The following CFDP1 variants were observed in gnomAD, a reference collection of about 807,000 sequenced individuals.
The protein encoded by CFDP1 is heterochromatin-stabilizing protein CFDP1.
Under a neutral mutation model 40.1 loss-of-function variants are expected in CFDP1, and 31 were observed. That is an observed-to-expected ratio of 0.77 (90% CI 0.58 to 1.04). CFDP1 has a LOEUF of 1.04. Among genes scored for constraint, CFDP1 ranks in the 50% least tolerant of loss-of-function variants. The probability of loss-of-function intolerance (pLI) is 0.00; values close to 1 mark genes in which losing one functional copy is unlikely to be tolerated. For missense variants in CFDP1, 423 were observed against 343.4 expected, an observed-to-expected ratio of 1.23 and a Z score of -1.83; for synonymous variants, 167 against 120.0, an observed-to-expected ratio of 1.39 and a Z score of -2.56.
In CFDP1 at chr16:75,293,921, G is replaced by T. The variant is rs765935980; in HGVS notation, c.*31C>A. On this transcript the variant is annotated 3_prime_UTR_variant, in exon 7 of 7. Transcript: ENST00000283882. ...CACAAAAAGCTCACATTGTAAACAG[G>T]ATTAAGCTGCTCTTGATTTAGCCCG... 2.6e-6 allele frequency: 4 copies of T among 1,560,874 alleles called. No individual in the cohort carries two copies. Among genetic ancestry groups the T allele is most frequent in the Admixed American group, 1.7e-5 (1 of 59,936 alleles).
At chr16:75,389,878 A>T (rs533417635) in intron 5 of CFDP1, among the ~76,000 whole-genome samples, 1 of 152,316 alleles carries the variant, frequency 6.6e-6, no homozygotes, top group Admixed American at 6.5e-5. Flanking sequence ...CCCAAGCACA[A>T]TTGTAACTGT....
At chr16:75,345,971 C>G (rs2078560156) in intron 5 of CFDP1, among the ~76,000 whole-genome samples, 1 of 152,118 alleles carries the variant, frequency 6.6e-6, no homozygotes, top group Non-Finnish European at 1.5e-5. Flanking sequence ...TCTGAGGCTT[C>G]CAGGTCTCTA....
At chr16:75,306,940 G>T (rs974314367) in intron 5 of CFDP1, among the ~76,000 whole-genome samples, 11 of 151,710 alleles carry the variant, frequency 7.3e-5, no homozygotes, top group African/African-American at 2.7e-4. Context: ...ATTTTACCAG[G>T]AACGGAGCAT....
chr16:75,352,657 T>G (rs1162715068), intron 5 of CFDP1, among the ~76,000 whole-genome samples: 2 of 152,240 alleles, frequency 1.3e-5, no homozygotes, highest in African/African-American at 4.8e-5. Flanking sequence ...CACAATTTTT[T>G]GCCTTTTATC....
At chr16:75,395,000 A>C in intron 5 of CFDP1, 90 bp downstream of exon 5, 1 of 1,460,284 alleles carries the variant, frequency 6.8e-7, no homozygotes, top group East Asian at 2.3e-5. Flanking sequence ...CTCTCAGGCA[A>C]GGAGTCTGAT....
chr16:75,431,911 C>CTT lies in CFDP1; in HGVS notation c.64+1376_64+1377dup, dbSNP rs71380741. The stretch of plus-strand genomic sequence containing the variant: ...GGATGAGGGTGATGGGACTGGCTAA[C>CTT]TTTTTTTTTTTTTTTTTTGAGACGG... On this transcript the variant is annotated intron_variant, in intron 1 of 6. Coordinates refer to ENST00000283882, the MANE Select transcript of CFDP1 (RefSeq NM_006324.3). Among the ~76,000 whole-genome samples, 565 of 134,466 alleles carry CTT rather than the reference C, an allele frequency of 4.2e-3. 7 individuals are homozygous for CTT. The highest frequency in any genetic ancestry group is 0.026 in the South Asian group (110 of 4,200). The allele number at this position is 134,466 out of a possible 152,430, so 88.2% of individuals were successfully genotyped here. A position where few individuals can be genotyped will look rare whatever the true frequency, so the allele number is the denominator to read the frequency against.
intron 6 of CFDP1, among the ~76,000 whole-genome samples, chr16:75,301,026 C>T (rs890801020): frequency 3.3e-5 from 5 of 152,116 alleles, no homozygotes; most frequent in Non-Finnish European, 7.3e-5. Context: ...CAGGAAGAAA[C>T]TTAAAGGAAT....
intron 6 of CFDP1, among the ~76,000 whole-genome samples, chr16:75,299,487 C>T (rs531436604): frequency 7.3e-5 from 11 of 150,692 alleles, no homozygotes; most frequent in South Asian, 2.1e-4. Flanking sequence ...CCCAGCTACT[C>T]GGGAGGCTGA....
rs2078995303 is a variant in CFDP1, at chr16:75,396,433, G to A, written c.531-1224C>T. The stretch of plus-strand genomic sequence containing the variant: ...AGGCGCCTGTAATCACAGCTACTAG[G>A]GAGGCTGAGGCAGGAGAATTGCCTG... On this transcript the variant is annotated intron_variant, in intron 4 of 6. Coordinates refer to ENST00000283882, the MANE Select transcript of CFDP1 (RefSeq NM_006324.3). 1.9e-5 allele frequency among the ~76,000 whole-genome samples: 2 copies of A among 103,146 alleles called. 1 individual carries two copies. Among genetic ancestry groups the A allele is most frequent in the Non-Finnish European group, 4.6e-5 (2 of 43,140 alleles). The allele number at this position is 103,146 out of a possible 152,430, so 67.7% of individuals were successfully genotyped here.
At chr16:75,388,098 T>C (rs929551848) in intron 5 of CFDP1, among the ~76,000 whole-genome samples, 1 of 152,210 alleles carries the variant, frequency 6.6e-6, no homozygotes, top group African/African-American at 2.4e-5. Context: ...TCAAATAGAT[T>C]TGGGCTGGAA....
intron 5 of CFDP1, among the ~76,000 whole-genome samples, chr16:75,369,139 T>G (rs941455891): frequency 3.3e-5 from 5 of 152,134 alleles, no homozygotes; most frequent in Non-Finnish European, 5.9e-5. Flanking sequence ...TGCTCAAAAG[T>G]CCAAAGTAAA....
chr16:75,423,668 C>A (rs1432892465), intron 1 of CFDP1, among the ~76,000 whole-genome samples: 1 of 152,034 alleles, frequency 6.6e-6, no homozygotes, highest in African/African-American at 2.4e-5. Context: ...GCACCCGCCA[C>A]CTCGCCCGGC....
chr16:75,339,369 T>G (rs2078510909), intron 5 of CFDP1, among the ~76,000 whole-genome samples: 1 of 152,178 alleles, frequency 6.6e-6, no homozygotes, highest in Admixed American at 6.5e-5. Flanking sequence ...ATTTCATGAG[T>G]GCAGCATTCT....
At position 75,404,597 on chromosome 16, in the gene CFDP1, C is replaced by T. The variant is rs111830992; in HGVS notation, c.530+7228G>A. ...TGAGTCTCTTGATGGATGAGAAGCA[C>T]CATCAATGTAGTATTTTTGTCTAAC... On this transcript the variant is annotated intron_variant, in intron 4 of 6. Transcript: ENST00000283882. 6.3e-3 allele frequency among the ~76,000 whole-genome samples: 964 copies of T among 152,076 alleles called. 3 individuals carry two copies. The highest frequency in any genetic ancestry group is 0.01 in the Non-Finnish European group (683 of 67,994).
chr16:75,405,785 G>A (rs1210209414), intron 4 of CFDP1, among the ~76,000 whole-genome samples: 1 of 150,370 alleles, frequency 6.7e-6, no homozygotes, highest in Non-Finnish European at 1.5e-5. Flanking sequence ...CAGGCGTGGT[G>A]GTATGCACCT....
rs1239721202 is a variant in CFDP1 at position 75,317,937 on chromosome 16, C to T, written c.651-12755G>A. On this transcript the variant is annotated intron_variant, in intron 5 of 6. Coordinates refer to ENST00000283882, the MANE Select transcript of CFDP1 (RefSeq NM_006324.3). ...ACCAGTCTGGCCAACATGGTGAGAC[C>T]CCACCCCCCATCTCTACTAAAAAAA... Among the ~76,000 whole-genome samples, 4 of 151,404 alleles carry T rather than the reference C, an allele frequency of 2.6e-5. No individual in the cohort carries two copies. In the East Asian group the frequency reaches 7.8e-4, roughly 29 times the overall value.
At chr16:75,428,954 T>C (rs2079375932) in intron 1 of CFDP1, among the ~76,000 whole-genome samples, 1 of 149,814 alleles carries the variant, frequency 6.7e-6, no homozygotes, top group Non-Finnish European at 1.5e-5. Context: ...GTCTCTACTA[T>C]AAAAATACAA....
chr16:75,366,077 C>A (rs1325707684), intron 5 of CFDP1, among the ~76,000 whole-genome samples: 3 of 152,150 alleles, frequency 2.0e-5, no homozygotes, highest in African/African-American at 7.2e-5. Flanking sequence ...AAGACCTGTA[C>A]ACAAAATGTT....
chr16:75,353,027 C>A (rs1268453884), intron 5 of CFDP1, among the ~76,000 whole-genome samples: 1 of 152,110 alleles, frequency 6.6e-6, no homozygotes, highest in African/African-American at 2.4e-5. Flanking sequence ...ATGTAACCAG[C>A]AAAACCCATG....
Sources: allele counts gnomAD v4.1 joint callset (sites outside exome capture counted in the v4.1 genomes callset), GRCh38; gene constraint gnomAD v4.1.1; transcripts MANE v1.5; gene names NCBI Gene and HGNC (gene_info 2026-07-23, HGNC 2026-07-21).